UNC13C: variants seen among roughly 807,000 people sequenced by gnomAD.
The protein encoded by UNC13C is protein unc-13 homolog C.
UNC13C carries 174 observed loss-of-function variants against 245.4 expected under a neutral mutation model. That is an observed-to-expected ratio of 0.71 (90% CI 0.63 to 0.80). The LOEUF is 0.80. Ranked by LOEUF, UNC13C falls within the 30% of genes least tolerant of loss-of-function variation. The pLI, the probability that UNC13C is intolerant of heterozygous loss-of-function variation, is 0.00. For synonymous variants in UNC13C, 992 were observed against 895.1 expected (o/e 1.11, Z -1.93); for missense variants, 2,829 against 2,602.9 (o/e 1.09, Z -1.89).
At chr15:54,025,117 A>G (rs144115124) in intron 2 of UNC13C, among the ~76,000 whole-genome samples, 1 of 152,120 alleles carries the variant, frequency 6.6e-6, no homozygotes, top group Non-Finnish European at 1.5e-5. Flanking sequence ...AGGTCCCAAG[A>G]TATATTGAGC....
At chr15:54,293,645 T>C (rs1215554570) in intron 10 of UNC13C, among the ~76,000 whole-genome samples, 1 of 152,034 alleles carries the variant, frequency 6.6e-6, no homozygotes, top group African/African-American at 2.4e-5. Context: ...CCATATTTGA[T>C]TATATCTAAA....
At chr15:54,198,688 G>A (rs139478028) in intron 4 of UNC13C, among the ~76,000 whole-genome samples, 15 of 152,220 alleles carry the variant, frequency 9.9e-5, no homozygotes, top group Admixed American at 3.3e-4. Context: ...GGAGCACTCC[G>A]TGGGACAAAA....
chr15:54,564,705 T>C (rs1358748738), intron 29 of UNC13C, among the ~76,000 whole-genome samples: 1 of 152,004 alleles, frequency 6.6e-6, no homozygotes, highest in Non-Finnish European at 1.5e-5. Flanking sequence ...TATGGCCTAA[T>C]AATTTTAGCA....
intron 17 of UNC13C, among the ~76,000 whole-genome samples, chr15:54,370,925 A>T (rs901228062): frequency 1.3e-5 from 2 of 152,192 alleles, no homozygotes; most frequent in African/African-American, 4.8e-5. Context: ...TTAGTGTACA[A>T]CATTTTATTT....
the UNC13C span, among the ~76,000 whole-genome samples, chr15:53,888,181 G>T: frequency 6.6e-6 from 1 of 152,146 alleles, no homozygotes. Context: ...CAGTGTAAAA[G>T]TGTTCCTATT....
rs1361201061 is a variant in UNC13C at position 54,573,868 on chromosome 15, C to A, written c.6106+5921C>A. On this transcript the variant is annotated intron_variant, in intron 30 of 32. Transcript: ENST00000260323. ...TAGTAATAGTGCTCAGTCTAGGACA[C>A]CCTAATCTAACACAGGCTGAAAAGT... Among the ~76,000 whole-genome samples the A allele has an allele frequency of 2.0e-5, 3 of 152,222 alleles. 1 individual carries two copies. The South Asian group carries it at 6.2e-4, about 32-fold the overall frequency.
chr15:54,230,529 G>A (rs1482921517), intron 4 of UNC13C, among the ~76,000 whole-genome samples: 9 of 151,864 alleles, frequency 5.9e-5, no homozygotes, highest in Admixed American at 5.2e-4. Flanking sequence ...AATATGAAGT[G>A]TCTTAAAATT....
At chr15:54,423,849 G>C (rs2040703345) in intron 19 of UNC13C, among the ~76,000 whole-genome samples, 1 of 151,688 alleles carries the variant, frequency 6.6e-6, no homozygotes, top group Non-Finnish European at 1.5e-5. Flanking sequence ...GTACCATCTG[G>C]GAAGAGATAG....
intron 2 of UNC13C, among the ~76,000 whole-genome samples, chr15:54,089,145 C>T (rs772606991): frequency 3.9e-5 from 6 of 152,106 alleles, no homozygotes; most frequent in Non-Finnish European, 7.4e-5. Flanking sequence ...AATTCTTTTC[C>T]ATGTGGTTCA....
chr15:54,547,263 C>G (rs1896528128), intron 27 of UNC13C, among the ~76,000 whole-genome samples: 1 of 151,944 alleles, frequency 6.6e-6, no homozygotes, highest in Non-Finnish European at 1.5e-5. Context: ...TTCTATTATG[C>G]TTTCATCTCT....
chr15:54,431,225 A>C (rs555950312), intron 19 of UNC13C, among the ~76,000 whole-genome samples: 18 of 151,834 alleles, frequency 1.2e-4, no homozygotes, highest in Non-Finnish European at 2.4e-4. Context: ...TTCCTGGAAT[A>C]ATTAACAATT....
chr15:54,551,991 T>A (rs1896758505), intron 28 of UNC13C, among the ~76,000 whole-genome samples: 2 of 151,364 alleles, frequency 1.3e-5, no homozygotes, highest in Non-Finnish European at 2.9e-5. Flanking sequence ...GCAGATATGA[T>A]GTGCTGAAAA....
At chr15:54,472,583 C>T (rs1892521073) in intron 19 of UNC13C, among the ~76,000 whole-genome samples, 1 of 151,846 alleles carries the variant, frequency 6.6e-6, no homozygotes, top group Admixed American at 6.6e-5. Flanking sequence ...TAAACTAGAC[C>T]CGCCATTCTC....
intron 20 of UNC13C, among the ~76,000 whole-genome samples, chr15:54,496,971 G>GA (rs1358076491): frequency 6.6e-6 from 1 of 151,856 alleles, no homozygotes; most frequent in Admixed American, 6.6e-5. Context: ...CTATTGAAAT[G>GA]AAAAAAATTT....
chr15:53,902,505 G>A, the UNC13C span, among the ~76,000 whole-genome samples: 1 of 152,188 alleles, frequency 6.6e-6, no homozygotes, highest in African/African-American at 2.4e-5. Flanking sequence ...AAACAAACAT[G>A]GTAGTAGAAG....
chr15:54,313,766 A>G (rs185117625), intron 13 of UNC13C, among the ~76,000 whole-genome samples: 60 of 151,820 alleles, frequency 4.0e-4, no homozygotes, highest in Non-Finnish European at 6.6e-4. Context: ...CAAGTAATAC[A>G]CAATATTGAA....
At chr15:54,155,938 G>A (rs2032725632) in intron 4 of UNC13C, among the ~76,000 whole-genome samples, 3 of 152,200 alleles carry the variant, frequency 2.0e-5, no homozygotes, top group Admixed American at 2.0e-4. Flanking sequence ...GAGGAAAGAA[G>A]TGGAAAATAT....
chr15:54,101,605 G>C (rs547893437), intron 2 of UNC13C, among the ~76,000 whole-genome samples: 1 of 151,374 alleles, frequency 6.6e-6, no homozygotes, highest in Non-Finnish European at 1.5e-5. Flanking sequence ...TTTTGACAAG[G>C]AATCTTGCTC....
chr15:54,105,796 G>A (rs181900824), intron 2 of UNC13C, among the ~76,000 whole-genome samples: 14 of 152,272 alleles, frequency 9.2e-5, no homozygotes, highest in Admixed American at 4.6e-4. Flanking sequence ...ACCAGATTTC[G>A]TGACTGGCTG....
Sources: gnomAD v4.1 joint callset for allele counts (sites outside exome capture counted in the v4.1 genomes callset) on GRCh38, gnomAD v4.1.1 for gene constraint, MANE v1.5 for transcripts, NCBI Gene and HGNC (gene_info 2026-07-23, HGNC 2026-07-21) for gene names.